The following B3GLCT variants were observed in gnomAD, a reference collection of about 807,000 sequenced individuals.
B3GLCT encodes the protein beta 3-glucosyltransferase.
B3GLCT carries 65 observed loss-of-function variants against 63.4 expected under a neutral mutation model. The observed-to-expected ratio is 1.03, with a 90% CI of 0.84 to 1.26. The LOEUF (loss-of-function observed/expected upper bound fraction) is 1.26, where lower values mean the gene tolerates loss of function less well. B3GLCT is among the 50% of genes most tolerant of loss of function. The pLI, the probability that B3GLCT is intolerant of heterozygous loss-of-function variation, is 0.00. For missense variants in B3GLCT, 577 were observed against 604.8 expected, an observed-to-expected ratio of 0.95 and a Z score of 0.48; for synonymous variants, 233 against 219.2, an observed-to-expected ratio of 1.06 and a Z score of -0.55.
At chr13:31,232,778 T>C (rs1870448098) in intron 4 of B3GLCT, among the ~76,000 whole-genome samples, 1 of 152,234 alleles carries the variant, frequency 6.6e-6, no homozygotes, top group South Asian at 2.1e-4. Context: ...CAAACTTCTA[T>C]TGTATACTTT....
chr13:31,216,953 T>C (rs1295927877), intron 2 of B3GLCT, among the ~76,000 whole-genome samples: 1 of 152,242 alleles, frequency 6.6e-6, no homozygotes, highest in African/African-American at 2.4e-5. Flanking sequence ...TTATATTCCT[T>C]TGGGTATATA....
Position 31,246,881 on chromosome 13 carries a change from C to G in B3GLCT, c.271-142C>G, listed in dbSNP as rs116187973. On this transcript the variant is annotated intron_variant, in intron 4 of 14. Transcript: ENST00000343307. Reference sequence around the variant, plus strand: ...AGAAGTGGTTTGAAGAGTACCATGTCAGGTCTCTAGAAACAGCTGCATTTT... The same window carrying G: ...AGAAGTGGTTTGAAGAGTACCATGTGAGGTCTCTAGAAACAGCTGCATTTT... 2.1e-3 allele frequency: 1,384 copies of G among 662,782 alleles called. 16 individuals carry two copies. The African/African-American group carries it at 0.022, about 11-fold the overall frequency. The allele number at this position is 662,782 out of a possible 1,614,324, so 41.1% of individuals were successfully genotyped here. A position where few individuals can be genotyped will look rare whatever the true frequency, so the allele number is the denominator to read the frequency against.
chr13:31,269,225 G>T lies in B3GLCT; in HGVS notation c.608G>T (p.Arg203Ile). 6.2e-7 allele frequency: 1 copy of T among 1,609,184 alleles called. No homozygotes were observed. The highest frequency in any genetic ancestry group is 1.1e-5 in the South Asian group (1 of 90,968). Reference sequence around the variant, plus strand: ...TCTCTATTTTCTAGGCTTACCAAGAGACTAAAGAGTGAATCCTTGAAATCC... The same window carrying T: ...TCTCTATTTTCTAGGCTTACCAAGATACTAAAGAGTGAATCCTTGAAATCC... ...SIPLVNKLTK[R>I]LKSESLKSDF... The change falls in exon 8 of 15, where the codon AGA becomes ATA. Residue 203 changes from arginine (R) to isoleucine (I), a missense_variant. Physicochemically the swap from Arg to Ile is moderately conservative, Grantham distance 97 (BLOSUM62 -3). Transcript: ENST00000343307.
intron 6 of B3GLCT, among the ~76,000 whole-genome samples, chr13:31,251,902 A>G (rs1357876859): frequency 6.6e-6 from 1 of 152,212 alleles, no homozygotes; most frequent in Non-Finnish European, 1.5e-5. Flanking sequence ...AGCAACCCCA[A>G]GACACATAGT....
At chr13:31,209,098 C>T (rs1869129758) in intron 1 of B3GLCT, among the ~76,000 whole-genome samples, 1 of 152,230 alleles carries the variant, frequency 6.6e-6, no homozygotes, top group African/African-American at 2.4e-5. Context: ...TCCGATGCCC[C>T]TTAAAAAACG....
intron 7 of B3GLCT, among the ~76,000 whole-genome samples, chr13:31,262,004 C>T (rs1434313216): frequency 2.0e-5 from 3 of 152,180 alleles, no homozygotes; most frequent in Non-Finnish European, 4.4e-5. Context: ...GTTGTAGGTT[C>T]CATCAGGTAG....
At chr13:31,316,424 T>TATATATAC (rs1426894660) in intron 12 of B3GLCT, among the ~76,000 whole-genome samples, 2 of 111,590 alleles carry the variant, frequency 1.8e-5, no homozygotes, top group African/African-American at 6.6e-5. Context: ...TATATATATA[T>TATATATAC]ATATATAAAT....
At chr13:31,264,990 A>C (rs1872219460) in intron 7 of B3GLCT, among the ~76,000 whole-genome samples, 1 of 152,174 alleles carries the variant, frequency 6.6e-6, no homozygotes, top group Admixed American at 6.5e-5. Context: ...AGTACACAGA[A>C]TCCATTTATC....
At chr13:31,301,372 A>T (rs4941812) in intron 12 of B3GLCT, among the ~76,000 whole-genome samples, 152,334 of 152,336 alleles carry the variant, frequency 1, 76,166 homozygotes, top group Non-Finnish European at 1. Context: ...AATTTTAGCA[A>T]GTTCCATTAA....
chr13:31,282,631 G>A lies in B3GLCT; in HGVS notation c.851-2017G>A, dbSNP rs1300377019. On this transcript the variant is annotated intron_variant, in intron 10 of 14. Transcript: ENST00000343307. ...CACTCCAGCCTGGGCAACAGAGCGAGAGAGTGAGACTCTGTCTCAAAAAAA... is the reference window on the plus strand; with the variant it reads ...CACTCCAGCCTGGGCAACAGAGCGAAAGAGTGAGACTCTGTCTCAAAAAAA... Among the ~76,000 whole-genome samples, 4 of 134,472 alleles carry A rather than the reference G, an allele frequency of 3.0e-5. No individual in the cohort carries two copies. The East Asian group carries it at 6.7e-4, about 22-fold the overall frequency. 88.2% of individuals were successfully genotyped at this position (134,472 alleles called of 152,430 possible). A position where few individuals can be genotyped will look rare whatever the true frequency, so the allele number is the denominator to read the frequency against.
intron 1 of B3GLCT, among the ~76,000 whole-genome samples, chr13:31,203,620 A>G (rs1476775330): frequency 6.6e-6 from 1 of 152,218 alleles, no homozygotes; most frequent in African/African-American, 2.4e-5. Flanking sequence ...TTTTAGGCAT[A>G]AAGGTACTAC....
chr13:31,328,489 T>A (rs1353119195), intron 14 of B3GLCT, among the ~76,000 whole-genome samples: 1 of 151,460 alleles, frequency 6.6e-6, no homozygotes, highest in East Asian at 1.9e-4. Flanking sequence ...AGGTCAGGGG[T>A]TCGAGACCAG....
chr13:31,223,102 G>T, intron 3 of B3GLCT, 111 bp downstream of exon 3: 2 of 771,820 alleles, frequency 2.6e-6, no homozygotes, highest in Non-Finnish European at 4.4e-6. Flanking sequence ...AAATATTGTT[G>T]TTCAAATATT....
chr13:31,214,588 C>T (rs1869457588), intron 1 of B3GLCT, among the ~76,000 whole-genome samples: 1 of 152,194 alleles, frequency 6.6e-6, no homozygotes, highest in Admixed American at 6.5e-5. Context: ...AACCTTGCAG[C>T]CCTTAGGAAA....
chr13:31,297,897 A>G (rs1178741764), intron 12 of B3GLCT, among the ~76,000 whole-genome samples: 3 of 152,154 alleles, frequency 2.0e-5, no homozygotes, highest in Non-Finnish European at 1.5e-5. Flanking sequence ...GTGTAGGGTG[A>G]GGTATGAGAG....
intron 10 of B3GLCT, among the ~76,000 whole-genome samples, chr13:31,279,282 G>T (rs760774356): frequency 2.0e-4 from 30 of 152,056 alleles, no homozygotes; most frequent in South Asian, 1.5e-3. Flanking sequence ...ATGGTCTGGG[G>T]TGTTGGATTT....
intron 12 of B3GLCT, among the ~76,000 whole-genome samples, chr13:31,289,977 A>G (rs533982275): frequency 1.3e-5 from 2 of 152,016 alleles, no homozygotes; most frequent in Admixed American, 1.3e-4. Context: ...TCAACCCATC[A>G]TCTACATTAG....
intron 2 of B3GLCT, 136 bp downstream of exon 2, chr13:31,215,236 A>G (rs2137746734): frequency 1.1e-6 from 1 of 936,286 alleles, no homozygotes; most frequent in Non-Finnish European, 1.7e-6. Context: ...GTCAACATGG[A>G]TTTTGAATCC....
At chr13:31,214,715 C>A (rs948546413) in intron 1 of B3GLCT, among the ~76,000 whole-genome samples, 1 of 152,210 alleles carries the variant, frequency 6.6e-6, no homozygotes, top group African/African-American at 2.4e-5. Context: ...TAAGAAGGCA[C>A]CAGACTTAAG....
Sources: allele counts gnomAD v4.1 joint callset (sites outside exome capture counted in the v4.1 genomes callset), GRCh38; gene constraint gnomAD v4.1.1; transcripts MANE v1.5; gene names NCBI Gene and HGNC (gene_info 2026-07-23, HGNC 2026-07-21).